SYNE1: variants seen among roughly 807,000 people sequenced by gnomAD.
SYNE1 encodes the protein spectrin repeat containing nuclear envelope protein 1, also known as nesprin-1.
In SYNE1, 616 loss-of-function variants were observed where a neutral mutation model predicts 1,111.0. That is an observed-to-expected ratio of 0.55 (90% CI 0.52 to 0.59). The LOEUF (loss-of-function observed/expected upper bound fraction) is 0.59. SYNE1 is among the 20% of genes least tolerant of loss of function. SYNE1 has a pLI of 0.00. For missense variants in SYNE1, 10,006 were observed against 10,417.0 expected, an observed-to-expected ratio of 0.96 and a Z score of 1.72; for synonymous variants, 3,855 against 3,825.8, an observed-to-expected ratio of 1.01 and a Z score of -0.28.
intron 58 of SYNE1, chr6:152,376,076 A>G (rs1479823283): frequency 3.1e-6 from 1 of 326,636 alleles, no homozygotes; most frequent in South Asian, 3.2e-5. Flanking sequence ...AAACTGTTCT[A>G]CCTCAGATCA....
chr6:152,237,606 C>T (rs2084513734), intron 108 of SYNE1, among the ~76,000 whole-genome samples: 2 of 152,150 alleles, frequency 1.3e-5, no homozygotes, highest in African/African-American at 4.8e-5. Context: ...TGAGCCACCA[C>T]ATCTAGCCCA....
chr6:152,221,232 T>C (rs891577140), intron 118 of SYNE1, among the ~76,000 whole-genome samples, 186 bp from the exon 119 acceptor site: 2 of 152,234 alleles, frequency 1.3e-5, no homozygotes, highest in African/African-American at 4.8e-5. Flanking sequence ...TGGCAATCTT[T>C]GGGTGTACAG....
intron 59 of SYNE1, among the ~76,000 whole-genome samples, chr6:152,371,905 A>AAGGAAAGGACAGGAC (rs2097194464): frequency 5.1e-4 from 27 of 52,592 alleles, no homozygotes; most frequent in African/African-American, 1.5e-3. Context: ...AAGGAAAGGA[A>AAGGAAAGGACAGGAC]AGGAAAGGAA....
intron 14 of SYNE1, chr6:152,481,550 C>T (rs2098899340): frequency 2.2e-6 from 1 of 452,536 alleles, no homozygotes; most frequent in African/African-American, 2.0e-5. Context: ...CCTGAATCTG[C>T]AATTTAAAAA....
chr6:152,364,546 T>C (rs2097017821), intron 63 of SYNE1, among the ~76,000 whole-genome samples: 1 of 151,488 alleles, frequency 6.6e-6, no homozygotes, highest in South Asian at 2.1e-4. Context: ...TTCAGGTCAA[T>C]CTAAATGTGA....
chr6:152,355,086 A>G (rs2096811371), intron 66 of SYNE1, 110 bp from the exon 67 acceptor site: 1 of 1,231,974 alleles, frequency 8.1e-7, no homozygotes, highest in African/African-American at 1.5e-5. Flanking sequence ...ATTAGAAAAA[A>G]ATGATTTTAT....
intron 130 of SYNE1, among the ~76,000 whole-genome samples, chr6:152,167,257 C>A (rs993615529): frequency 6.6e-6 from 1 of 152,096 alleles, no homozygotes; most frequent in Admixed American, 6.6e-5. Context: ...TATGTATATA[C>A]GTACTTACAC....
chr6:152,465,202 G>T (rs2098757349), intron 18 of SYNE1, 56 bp downstream of exon 18: 1 of 1,565,210 alleles, frequency 6.4e-7, no homozygotes. Flanking sequence ...CGCTGTAAAA[G>T]TCTCTCATTT....
chr6:152,289,838 G>A (rs1023932382), intron 95 of SYNE1, among the ~76,000 whole-genome samples: 1 of 151,958 alleles, frequency 6.6e-6, no homozygotes, highest in Non-Finnish European at 1.5e-5. Flanking sequence ...ATGTTAGCCA[G>A]GATGGTCGCG....
At position 152,316,855 on chromosome 6, in the gene SYNE1, C is replaced by G. The variant is rs761860092; in HGVS notation, c.16704G>C (p.Leu5568Phe). Residue 5568 changes from leucine (L) to phenylalanine (F), a missense_variant, in exon 87 of 146, where the codon TTG becomes TTC. By Grantham distance (22) the Leu-to-Phe change is conservative. This residue lies in a region of SYNE1 where 4,955 missense variants were observed against 5,017.2 expected (regional missense o/e 0.99). Transcript: ENST00000367255. Reference sequence around the variant, plus strand: ...TTATTTTTCCTAAGGTTACCTGATGCAAAATATATTGTTCCCGAAGCTGGC... The same window carrying G: ...TTATTTTTCCTAAGGTTACCTGATGGAAAATATATTGTTCCCGAAGCTGGC... ...SASQLREQYILHQTLLEESKE... is the reference protein window; with the variant it reads ...SASQLREQYIFHQTLLEESKE... 6.8e-6 allele frequency: 11 copies of G among 1,614,066 alleles called. No homozygotes were observed.
At chr6:152,538,404 G>A (rs935149892) in intron 4 of SYNE1, among the ~76,000 whole-genome samples, 2 of 152,064 alleles carry the variant, frequency 1.3e-5, no homozygotes, top group East Asian at 1.9e-4. Flanking sequence ...ATGGATTGAC[G>A]TGTTGGGTGA....
At chr6:152,364,337 T>C (rs1214075806) in intron 63 of SYNE1, among the ~76,000 whole-genome samples, 1 of 152,120 alleles carries the variant, frequency 6.6e-6, no homozygotes, top group African/African-American at 2.4e-5. Flanking sequence ...CAACACCCTT[T>C]ACTTACTGCC....
At chr6:152,315,212 T>A (rs952834817) in intron 87 of SYNE1, 1 of 143,452 alleles carries the variant, frequency 7.0e-6, no homozygotes, top group African/African-American at 2.6e-5. Flanking sequence ...TTTTTTTTTT[T>A]TTTTTTTTTG....
intron 2 of SYNE1, among the ~76,000 whole-genome samples, chr6:152,632,689 G>C (rs1440430342): frequency 2.0e-5 from 3 of 152,052 alleles, no homozygotes; most frequent in Non-Finnish European, 4.4e-5. Flanking sequence ...TGTGCACGCA[G>C]GCTTAAGAAA....
chr6:152,522,984 T>A (rs1564624909), intron 5 of SYNE1, among the ~76,000 whole-genome samples: 1 of 152,172 alleles, frequency 6.6e-6, no homozygotes, highest in Non-Finnish European at 1.5e-5. Context: ...TTGCAAATAT[T>A]TTCTCCCATT....
At chr6:152,269,417 T>TG (rs895271656) in intron 98 of SYNE1, 131 bp from the exon 99 acceptor site, 2 of 1,336,868 alleles carry the variant, frequency 1.5e-6, no homozygotes, top group East Asian at 5.0e-5. Context: ...GAAACCACAT[T>TG]TTTTAAAAAA....
intron 93 of SYNE1, 133 bp downstream of exon 93, chr6:152,300,508 A>G (rs552715969): frequency 4.3e-5 from 55 of 1,276,108 alleles, no homozygotes; most frequent in Non-Finnish European, 5.3e-5. Context: ...TGCAACTATA[A>G]CACCTAATAG....
At position 152,321,852 on chromosome 6, in the gene SYNE1, C is replaced by T. The variant is rs886061203; in HGVS notation, c.15952G>A (p.Val5318Met). ...TCTCGGTCCTTCAGCTCTTGCTTCA[C>T]CAACTTTCCATTAGTCTTCACTTTC... ...QEKVKTNGKLVKQELKDREMV... is the reference protein window; with the variant it reads ...QEKVKTNGKLMKQELKDREMV... The change falls in exon 83 of 146, where the codon GTG becomes ATG. Residue 5318 changes from valine (V) to methionine (M), a missense_variant. Physicochemically the swap from Val to Met is conservative, Grantham distance 21 (BLOSUM62 1). Transcript: ENST00000367255. The T allele has an allele frequency of 6.2e-7, 1 of 1,614,036 alleles. No individual in the cohort carries two copies. Among genetic ancestry groups the T allele is most frequent in the Non-Finnish European group, 8.5e-7 (1 of 1,179,976 alleles).
chr6:152,532,957 GGT>G (rs2099212273), intron 4 of SYNE1, among the ~76,000 whole-genome samples: 1 of 151,992 alleles, frequency 6.6e-6, no homozygotes, highest in African/African-American at 2.4e-5. Flanking sequence ...CCTCCCCAAA[GGT>G]TGGCAAAGAA....
Sources: allele counts gnomAD v4.1 joint callset (sites outside exome capture counted in the v4.1 genomes callset), GRCh38; gene constraint gnomAD v4.1.1; regional missense constraint gnomAD v4.1.1; transcripts MANE v1.5; gene names NCBI Gene and HGNC (gene_info 2026-07-23, HGNC 2026-07-21).